The following BMP6 variants were observed in gnomAD, a reference collection of about 807,000 sequenced individuals.
BMP6 encodes the protein bone morphogenetic protein 6.
In BMP6, 17 loss-of-function variants were observed where a neutral mutation model predicts 54.1. The ratio of observed to expected loss-of-function variants is 0.31; its 90% CI spans 0.22 to 0.47. The LOEUF (loss-of-function observed/expected upper bound fraction) is 0.47. BMP6 is among the 20% of genes least tolerant of loss of function. The pLI is 1.00. For synonymous variants in BMP6, 328 were observed against 291.2 expected, an observed-to-expected ratio of 1.13 and a Z score of -1.28; for missense variants, 720 against 690.4, an observed-to-expected ratio of 1.04 and a Z score of -0.48.
chr6:7,727,106 G>A lies in BMP6; in HGVS notation c.151G>A (p.Gly51Ser), dbSNP rs1761741193. ...GQLLGDGGSP[G>S]RTEQPPPSPQ... ...GCTGCTGGGGGACGGCGGGAGCCCC[G>A]GCCGCACGGAGCAGCCGCCGCCGTC... Residue 51 changes from glycine (G) to serine (S), a missense_variant, in exon 1 of 7, where the codon GGC (glycine) becomes AGC (serine). Physicochemically the swap from Gly to Ser is moderately conservative, Grantham distance 56. This residue lies in a region of BMP6 where 650 missense variants were observed against 556.3 expected (regional missense o/e 1.17). Transcript: ENST00000283147. The A allele has an allele frequency of 1.4e-6, 2 of 1,428,198 alleles. No individual in the cohort carries two copies. The highest frequency in any genetic ancestry group is 1.5e-5 in the African/African-American group (1 of 67,234). 88.5% of individuals were successfully genotyped at this position (1,428,198 alleles called of 1,614,324 possible).
intron 1 of BMP6, among the ~76,000 whole-genome samples, chr6:7,809,644 C>T (rs1007943472): frequency 3.9e-5 from 6 of 152,168 alleles, no homozygotes; most frequent in Non-Finnish European, 7.3e-5. Context: ...TTCCACCCAC[C>T]ACCATTCAGT....
chr6:7,736,477 A>G lies in BMP6; in HGVS notation c.664+8858A>G, dbSNP rs188066692. Among the ~76,000 whole-genome samples the G allele has an allele frequency of 1.4e-4, 21 of 152,362 alleles. 1 individual carries two copies. The East Asian group carries it at 4.0e-3, about 29-fold the overall frequency. On this transcript the variant is annotated intron_variant, in intron 1 of 6. Coordinates refer to ENST00000283147, the MANE Select transcript of BMP6 (RefSeq NM_001718.6). ...CTGACAAAATATCGTACTGGCCCTA[A>G]GGGCAGGATCAGAGGACTTTAAAAG...
intron 1 of BMP6, among the ~76,000 whole-genome samples, chr6:7,814,190 A>G (rs766864081): frequency 6.6e-6 from 1 of 152,218 alleles, no homozygotes; most frequent in Non-Finnish European, 1.5e-5. Flanking sequence ...CTGAGATTCA[A>G]TTAGGCCCAC....
intron 1 of BMP6, among the ~76,000 whole-genome samples, chr6:7,833,254 G>A (rs1758818499): frequency 6.6e-6 from 1 of 152,194 alleles, no homozygotes; most frequent in South Asian, 2.1e-4. Context: ...CTTTCAACGT[G>A]ACTGATGTGA....
intron 1 of BMP6, among the ~76,000 whole-genome samples, chr6:7,831,609 T>C (rs1334230963): frequency 6.6e-6 from 1 of 152,184 alleles, no homozygotes; most frequent in Non-Finnish European, 1.5e-5. Flanking sequence ...GTAATTTGAG[T>C]AGATTAATTT....
intron 4 of BMP6, among the ~76,000 whole-genome samples, chr6:7,864,534 A>G (rs901805689): frequency 1.3e-5 from 2 of 152,200 alleles, no homozygotes; most frequent in Non-Finnish European, 2.9e-5. Flanking sequence ...AATTGTACAG[A>G]AATGTCATTT....
At chr6:7,740,018 G>A (rs1762018299) in intron 1 of BMP6, among the ~76,000 whole-genome samples, 1 of 152,192 alleles carries the variant, frequency 6.6e-6, no homozygotes, top group African/African-American at 2.4e-5. Context: ...TTGGCCTGTG[G>A]CATGAGACCT....
intron 2 of BMP6, among the ~76,000 whole-genome samples, chr6:7,851,020 C>T (rs1759134653): frequency 6.6e-6 from 1 of 152,210 alleles, no homozygotes; most frequent in African/African-American, 2.4e-5. Context: ...TGTCTTAATT[C>T]CTTCAGTTTT....
At chr6:7,730,229 T>G (rs1447689726) in intron 1 of BMP6, among the ~76,000 whole-genome samples, 2 of 152,230 alleles carry the variant, frequency 1.3e-5, no homozygotes, top group Non-Finnish European at 2.9e-5. Context: ...AAGCTGGCTG[T>G]CAGCTAATCC....
chr6:7,759,456 T>C (rs181594851), intron 1 of BMP6, among the ~76,000 whole-genome samples: 46 of 152,278 alleles, frequency 3.0e-4, no homozygotes, highest in African/African-American at 1.0e-3. Flanking sequence ...CTAGTCCTGG[T>C]TCTGACATGA....
chr6:7,787,061 T>TTCC (rs1758030658), intron 1 of BMP6, among the ~76,000 whole-genome samples: 1 of 152,218 alleles, frequency 6.6e-6, no homozygotes, highest in Non-Finnish European at 1.5e-5. Flanking sequence ...CAGCCTCCTT[T>TTCC]AGTTTCTTTT....
intron 1 of BMP6, among the ~76,000 whole-genome samples, chr6:7,744,495 A>G (rs1224119092): frequency 1.3e-5 from 2 of 152,196 alleles, no homozygotes; most frequent in Non-Finnish European, 2.9e-5. Flanking sequence ...AGTTGCAGAC[A>G]TCAGTACACT....
At position 7,782,326 on chromosome 6, in the gene BMP6, G is replaced by A. The variant is rs181574957; in HGVS notation, c.664+54707G>A. 3.3e-4 allele frequency among the ~76,000 whole-genome samples: 50 copies of A among 152,292 alleles called. 1 individual carries two copies. Among genetic ancestry groups the A allele is most frequent in the African/African-American group, 1.1e-3 (47 of 41,546 alleles). ...TTGAGGTGTTTTTGAGACATCAGAGGGGGATTGTTGAATAGGCTTTGGTTG... is the reference window on the plus strand; with the variant it reads ...TTGAGGTGTTTTTGAGACATCAGAGAGGGATTGTTGAATAGGCTTTGGTTG... On this transcript the variant is annotated intron_variant, in intron 1 of 6. Transcript: ENST00000283147.
At position 7,843,742 on chromosome 6, in the gene BMP6, T is replaced by A. The variant is rs567536001; in HGVS notation, c.665-1398T>A. 2.0e-5 allele frequency among the ~76,000 whole-genome samples: 3 copies of A among 152,334 alleles called. No individual in the cohort carries two copies. In the South Asian group the frequency reaches 6.2e-4, roughly 32 times the overall value. ...TCCTTTTTTCCTTTTACAGCAATTA[T>A]AAGTGAGGCATCTGAAGTTTGATAT... On this transcript the variant is annotated intron_variant, in intron 1 of 6. Transcript: ENST00000283147.
intron 1 of BMP6, among the ~76,000 whole-genome samples, chr6:7,815,668 T>G (rs969094621): frequency 2.4e-4 from 36 of 152,260 alleles, no homozygotes; most frequent in African/African-American, 8.4e-4. Context: ...TCAAAAAGTT[T>G]TAAATACTAA....
At chr6:7,729,754 A>G (rs974188699) in intron 1 of BMP6, among the ~76,000 whole-genome samples, 7 of 152,232 alleles carry the variant, frequency 4.6e-5, no homozygotes, top group African/African-American at 7.2e-5. Context: ...ATTGCTACAC[A>G]TTAGAATCAC....
At chr6:7,824,566 T>C (rs727284) in intron 1 of BMP6, among the ~76,000 whole-genome samples, 132 of 152,308 alleles carry the variant, frequency 8.7e-4, no homozygotes, top group African/African-American at 3.1e-3. Context: ...TTCAGTCTAT[T>C]TGTAGTGTAT....
intron 1 of BMP6, among the ~76,000 whole-genome samples, chr6:7,734,299 C>T (rs1293757359): frequency 2.0e-5 from 3 of 152,198 alleles, no homozygotes; most frequent in Non-Finnish European, 4.4e-5. Flanking sequence ...GAAAAGTTCT[C>T]GCATATCATC....
chr6:7,742,361 A>G (rs1561756733), intron 1 of BMP6, among the ~76,000 whole-genome samples: 1 of 152,374 alleles, frequency 6.6e-6, no homozygotes, highest in East Asian at 1.9e-4. Context: ...GCTTTCATGC[A>G]TGCAAGGAGG....
Sources: allele counts gnomAD v4.1 joint callset (sites outside exome capture counted in the v4.1 genomes callset), GRCh38; gene constraint gnomAD v4.1.1; regional missense constraint gnomAD v4.1.1; transcripts MANE v1.5; gene names NCBI Gene and HGNC (gene_info 2026-07-23, HGNC 2026-07-21).